Variants in MYO16 observed in about 807,000 individuals in gnomAD.
The protein encoded by MYO16 is unconventional myosin-XVI.
A neutral mutation model predicts 205.3 loss-of-function variants in MYO16; 94 were observed. The ratio of observed to expected loss-of-function variants is 0.46; its 90% CI spans 0.39 to 0.54. MYO16 has a LOEUF of 0.54. Among genes scored for constraint, MYO16 ranks in the 20% least tolerant of loss-of-function variants. The probability of loss-of-function intolerance (pLI) is 0.00; values close to 1 mark genes in which losing one functional copy is unlikely to be tolerated. For missense variants in MYO16, 2,315 were observed against 2,387.5 expected (o/e 0.97, Z 0.63); for synonymous variants, 988 against 954.0 (o/e 1.04, Z -0.66).
chr13:108,859,181 ACTGT>A (rs142597119), intron 11 of MYO16, among the ~76,000 whole-genome samples: 3,050 of 152,262 alleles, frequency 0.02, 181 homozygotes, highest in East Asian at 0.2. Flanking sequence ...ACAAACACAG[ACTGT>A]CTGTCTCTCT....
intron 2 of MYO16, among the ~76,000 whole-genome samples, chr13:108,698,016 C>T (rs1034715951): frequency 6.6e-6 from 1 of 152,184 alleles, no homozygotes; most frequent in Non-Finnish European, 1.5e-5. Flanking sequence ...AGCCACCGTG[C>T]CCGACCTCGC....
chr13:108,747,594 T>C (rs1418236654), intron 4 of MYO16, among the ~76,000 whole-genome samples: 2 of 46,328 alleles, frequency 4.3e-5, no homozygotes, highest in African/African-American at 1.9e-4. Flanking sequence ...ATTAAATCAA[T>C]GGTGGCAAAA....
At chr13:109,138,991 T>G (rs542793477) in intron 31 of MYO16, among the ~76,000 whole-genome samples, 295 of 152,120 alleles carry the variant, frequency 1.9e-3, no homozygotes, top group Non-Finnish European at 3.3e-3. Flanking sequence ...GCTAATTTTT[T>G]GTATTTTTAG....
At chr13:109,019,226 C>T (rs947252777) in intron 22 of MYO16, among the ~76,000 whole-genome samples, 8 of 152,084 alleles carry the variant, frequency 5.3e-5, no homozygotes, top group African/African-American at 1.4e-4. Context: ...GACCTGGCTG[C>T]GTTGGCCTCC....
chr13:108,746,145 A>G (rs1420757224), intron 4 of MYO16, among the ~76,000 whole-genome samples: 2 of 152,198 alleles, frequency 1.3e-5, no homozygotes, highest in African/African-American at 4.8e-5. Flanking sequence ...GTGAGCCGAG[A>G]TTGTGCCACT....
chr13:109,122,314 A>G (rs559484596), intron 29 of MYO16, among the ~76,000 whole-genome samples: 4 of 147,708 alleles, frequency 2.7e-5, no homozygotes, highest in South Asian at 2.2e-4. Context: ...TCTATACCCT[A>G]TTGACCTGGA....
At chr13:108,885,994 T>G (rs35517959) in intron 13 of MYO16, among the ~76,000 whole-genome samples, 37,898 of 152,054 alleles carry the variant, frequency 0.25, 5,191 homozygotes, top group Non-Finnish European at 0.31. Context: ...GGTCTTTTTT[T>G]TTTTGATATG....
At chr13:108,933,688 G>T (rs1882358222) in intron 16 of MYO16, among the ~76,000 whole-genome samples, 1 of 152,048 alleles carries the variant, frequency 6.6e-6, no homozygotes, top group South Asian at 2.1e-4. Context: ...TGGTACGAAT[G>T]ATCCCTTTAC....
intron 4 of MYO16, among the ~76,000 whole-genome samples, chr13:108,760,379 A>G (rs541489578): frequency 3.2e-4 from 34 of 107,324 alleles, no homozygotes; most frequent in African/African-American, 9.2e-4. Context: ...ACACCATCAC[A>G]TGCCTCTTGC....
At chr13:109,017,498 T>C (rs902397819) in intron 22 of MYO16, among the ~76,000 whole-genome samples, 3 of 152,142 alleles carry the variant, frequency 2.0e-5, no homozygotes, top group Non-Finnish European at 2.9e-5. Context: ...TTTCCTGAAT[T>C]TGAATGTTGG....
At chr13:108,527,849 C>T in the MYO16 span, among the ~76,000 whole-genome samples, 220 of 152,220 alleles carry the variant, frequency 1.4e-3, no homozygotes, top group African/African-American at 5.2e-3. Context: ...GCCTTTCTAA[C>T]ATTTCTAAGT....
At chr13:108,996,618 A>G (rs1885010707) in intron 21 of MYO16, among the ~76,000 whole-genome samples, 1 of 152,172 alleles carries the variant, frequency 6.6e-6, no homozygotes, top group Non-Finnish European at 1.5e-5. Context: ...ACCTTTGAGG[A>G]CAATAAGGAA....
At chr13:108,969,656 G>A (rs2139385431) in intron 20 of MYO16, among the ~76,000 whole-genome samples, 1 of 152,344 alleles carries the variant, frequency 6.6e-6, no homozygotes, top group East Asian at 1.9e-4. Flanking sequence ...GGAATTGTGA[G>A]GTTGCCAGGG....
intron 1 of MYO16, among the ~76,000 whole-genome samples, chr13:108,596,820 A>G (rs112189332): frequency 6.6e-6 from 1 of 152,318 alleles, no homozygotes; most frequent in East Asian, 1.9e-4. Context: ...TTCAGCCTTG[A>G]CACTTTATTT....
chr13:108,826,736 C>G (rs1273891968), intron 9 of MYO16, among the ~76,000 whole-genome samples: 1 of 152,068 alleles, frequency 6.6e-6, no homozygotes, highest in African/African-American at 2.4e-5. Flanking sequence ...ATATATGTTT[C>G]TTCAAAGAAG....
chr13:108,577,613 G>T, the MYO16 span, among the ~76,000 whole-genome samples: 1 of 152,040 alleles, frequency 6.6e-6, no homozygotes, highest in Non-Finnish European at 1.5e-5. Flanking sequence ...CCAATCCACT[G>T]TGTGTTATAT....
chr13:108,947,241 C>T (rs1882972486), intron 16 of MYO16, among the ~76,000 whole-genome samples: 1 of 152,330 alleles, frequency 6.6e-6, no homozygotes, highest in South Asian at 2.1e-4. Context: ...GTGCTGTGGA[C>T]ATGGCCTTAC....
intron 4 of MYO16, among the ~76,000 whole-genome samples, chr13:108,739,708 C>T (rs1222886616): frequency 1.3e-5 from 2 of 152,212 alleles, no homozygotes; most frequent in Non-Finnish European, 2.9e-5. Context: ...GGAAGTTCTT[C>T]TGGATAATAT....
intron 20 of MYO16, among the ~76,000 whole-genome samples, chr13:108,984,749 CAG>C (rs1473348016): frequency 6.6e-6 from 1 of 152,176 alleles, no homozygotes; most frequent in Non-Finnish European, 1.5e-5. Flanking sequence ...CTGTGACCCT[CAG>C]GTTTGTCAAA....
Sources: gnomAD v4.1 joint callset for allele counts (sites outside exome capture counted in the v4.1 genomes callset) on GRCh38, gnomAD v4.1.1 for gene constraint, MANE v1.5 for transcripts, NCBI Gene and HGNC (gene_info 2026-07-23, HGNC 2026-07-21) for gene names.